COPE: variants seen among roughly 807,000 people sequenced by gnomAD.
COPE encodes the protein coat protein complex I subunit epsilon.
In COPE, 19 loss-of-function variants were observed where a neutral mutation model predicts 42.1. The observed-to-expected ratio is 0.45, with a 90% CI of 0.31 to 0.66. The LOEUF (loss-of-function observed/expected upper bound fraction) is 0.66. Ranked by LOEUF, COPE falls within the 30% of genes least tolerant of loss-of-function variation. COPE has a pLI of 0.05. For missense variants in COPE, 402 were observed against 416.1 expected (o/e 0.97, Z 0.30); for synonymous variants, 195 against 181.3 (o/e 1.08, Z -0.60).
Position 18,902,794 on chromosome 19 carries a change from AAGGAAGG to A in COPE, c.735+467_735+473del, listed in dbSNP as rs1415197342. On this transcript the variant is annotated intron_variant, in intron 7 of 9. Transcript: ENST00000262812. ...GAAAGAAGGAAGGAAGGAAGGAAGG[AAGGAAGG>A]AAGGAAGGAAGGAAGGAAGGAAGGA... is the stretch of plus-strand genomic sequence containing the variant. Among the ~76,000 whole-genome samples the A allele has an allele frequency of 6.3e-4, 53 of 84,604 alleles. 5 individuals are homozygous for A. The highest frequency in any genetic ancestry group is 1.2e-4 in the Admixed American group (1 of 8,672). The allele number at this position is 84,604 out of a possible 152,430, so 55.5% of individuals were successfully genotyped here.
chr19:18,913,157 C>T (rs967237714), intron 1 of COPE, 111 bp from the exon 2 acceptor site: 1 of 963,952 alleles, frequency 1.0e-6, no homozygotes, highest in Non-Finnish European at 1.6e-6. Flanking sequence ...GCTTCTCCGG[C>T]AGGGTTGGAG....
At chr19:18,917,660 G>A (rs1474709366) in intron 1 of COPE, among the ~76,000 whole-genome samples, 1 of 152,036 alleles carries the variant, frequency 6.6e-6, no homozygotes, top group Non-Finnish European at 1.5e-5. Flanking sequence ...ACCGCGCCCG[G>A]CCAGGAAATC....
intron 1 of COPE, 54 bp downstream of exon 1, chr19:18,919,169 G>GA: frequency 6.4e-7 from 1 of 1,563,956 alleles, no homozygotes; most frequent in South Asian, 1.2e-5. Context: ...GCGGCCACCA[G>GA]AAAGCGTCCT....
At chr19:18,905,730 G>A (rs2056752975) in intron 4 of COPE, 101 bp from the exon 5 acceptor site, 2 of 1,280,396 alleles carry the variant, frequency 1.6e-6, no homozygotes, top group South Asian at 2.6e-5. Context: ...ATGTTCCTAA[G>A]TCCTGTGCTT....
At chr19:18,900,246 G>T in intron 8 of COPE, 135 bp downstream of exon 8, 1 of 740,802 alleles carries the variant, frequency 1.3e-6, no homozygotes, top group Non-Finnish European at 2.2e-6. Flanking sequence ...CACAGGGTTT[G>T]TGAGGGAGGT....
chr19:18,911,158 A>C (rs2056806599), intron 2 of COPE, 87 bp from the exon 3 acceptor site: 1 of 1,231,122 alleles, frequency 8.1e-7, no homozygotes. Context: ...CCCAGACAGG[A>C]AGTCCCTGCC....
chr19:18,900,161 T>A (rs1239408946), intron 8 of COPE, among the ~76,000 whole-genome samples: 1 of 151,670 alleles, frequency 6.6e-6, no homozygotes, highest in African/African-American at 2.4e-5. Context: ...CTGGCCTCCG[T>A]ACATGGTGGG....
intron 8 of COPE, 171 bp from the exon 9 acceptor site, chr19:18,900,118 G>A (rs2056683136): frequency 1.6e-6 from 1 of 623,470 alleles, no homozygotes; most frequent in Non-Finnish European, 2.7e-6. Context: ...GTGGAGGGAT[G>A]GGCCTGCCCC....
intron 2 of COPE, among the ~76,000 whole-genome samples, chr19:18,911,843 C>T (rs985506457): frequency 2.7e-5 from 4 of 149,874 alleles, no homozygotes; most frequent in Non-Finnish European, 5.9e-5. Flanking sequence ...TGAGCCACCA[C>T]GCCCGGCCTT....
Position 18,905,802 on chromosome 19 carries a change from T to C in COPE, c.444-173A>G, listed in dbSNP as rs1291938774. On this transcript the variant is annotated intron_variant, in intron 4 of 9. Transcript: ENST00000262812. ...TCACTCCCACATTTCACCGCTCAGCTTCCTCAGGCCCAGGAGCTCTGGGGG... is the reference window on the plus strand; with the variant it reads ...TCACTCCCACATTTCACCGCTCAGCCTCCTCAGGCCCAGGAGCTCTGGGGG... 4.8e-6 allele frequency: 3 copies of C among 619,274 alleles called. No individual in the cohort carries two copies. In the African/African-American group the frequency reaches 5.8e-5, roughly 12 times the overall value. The allele number at this position is 619,274 out of a possible 1,614,324, so 38.4% of individuals were successfully genotyped here.
In COPE at chr19:18,919,370, C is replaced by T. The variant is rs2056893283; in HGVS notation, c.-22G>A. ...CCATTTCGCTGTCTTCTCACCAGCT[C>T]CTCTTCCTGAAAGACACGTCAGCCG... On this transcript the variant is annotated 5_prime_UTR_variant, in exon 1 of 10. Coordinates refer to ENST00000262812, the MANE Select transcript of COPE (RefSeq NM_007263.4). 2 of 1,610,092 alleles carry T rather than the reference C, an allele frequency of 1.2e-6. No homozygotes were observed. Among genetic ancestry groups the T allele is most frequent in the Non-Finnish European group, 8.5e-7 (1 of 1,178,342 alleles).
At chr19:18,901,581 C>T (rs968103278) in intron 7 of COPE, among the ~76,000 whole-genome samples, 1 of 152,226 alleles carries the variant, frequency 6.6e-6, no homozygotes, top group Non-Finnish European at 1.5e-5. Context: ...GATAACTCAG[C>T]CCCTGGAAAG....
chr19:18,910,755 G>A, intron 3 of COPE: 1 of 596,100 alleles, frequency 1.7e-6, no homozygotes. Flanking sequence ...CACTGTCTCT[G>A]ACCCTCCCCT....
At chr19:18,912,303 T>G (rs945640279) in intron 2 of COPE, among the ~76,000 whole-genome samples, 1 of 152,096 alleles carries the variant, frequency 6.6e-6, no homozygotes, top group Non-Finnish European at 1.5e-5. Context: ...CATGCCACCA[T>G]GACTGTCTTA....
At position 18,915,416 on chromosome 19, in the gene COPE, T is replaced by C. The variant is rs139856493; in HGVS notation, c.127-2370A>G. Among the ~76,000 whole-genome samples, 758 of 152,252 alleles carry C rather than the reference T, an allele frequency of 5.0e-3. 7 individuals are homozygous for C. The highest frequency in any genetic ancestry group is 8.9e-3 in the Non-Finnish European group (607 of 68,020). ...TGCCGGGAAGCATAACAACAACAAA[T>C]GTGCAGACCGTGACCCTGACGTGAG... On this transcript the variant is annotated intron_variant, in intron 1 of 9. Transcript: ENST00000262812.
At chr19:18,905,332 A>C (rs1449452695) in intron 5 of COPE, among the ~76,000 whole-genome samples, 1 of 152,006 alleles carries the variant, frequency 6.6e-6, no homozygotes, top group Non-Finnish European at 1.5e-5. Flanking sequence ...CATGAAGCCC[A>C]CCCTCACCCT....
chr19:18,914,505 C>G (rs1264522043), intron 1 of COPE, among the ~76,000 whole-genome samples: 1 of 151,938 alleles, frequency 6.6e-6, no homozygotes, highest in African/African-American at 2.4e-5. Flanking sequence ...CACGCCATTG[C>G]ACTCCAGCCT....
intron 1 of COPE, among the ~76,000 whole-genome samples, chr19:18,917,713 C>A (rs1191808163): frequency 6.6e-6 from 1 of 152,134 alleles, no homozygotes; most frequent in Non-Finnish European, 1.5e-5. Flanking sequence ...CAGTAAAACA[C>A]AGAAAGACAG....
At chr19:18,901,744 A>G (rs1252295742) in intron 7 of COPE, among the ~76,000 whole-genome samples, 5 of 152,260 alleles carry the variant, frequency 3.3e-5, no homozygotes, top group African/African-American at 7.2e-5. Flanking sequence ...TAACCTGGAC[A>G]ACACAGTGAG....
Sources: gnomAD v4.1 joint callset for allele counts (sites outside exome capture counted in the v4.1 genomes callset) on GRCh38, gnomAD v4.1.1 for gene constraint, MANE v1.5 for transcripts, NCBI Gene and HGNC (gene_info 2026-07-23, HGNC 2026-07-21) for gene names.